The following DLL1 variants were observed in gnomAD, a reference collection of about 807,000 sequenced individuals.
DLL1 encodes delta-like protein 1.
A neutral mutation model predicts 75.1 loss-of-function variants in DLL1; 9 were observed. That is an observed-to-expected ratio of 0.12 (90% CI 0.07 to 0.21). The LOEUF (loss-of-function observed/expected upper bound fraction) is 0.21, where lower values mean the gene tolerates loss of function less well. DLL1 is among the 10% of genes least tolerant of loss of function. The pLI, the probability that DLL1 is intolerant of heterozygous loss-of-function variation, is 1.00. For missense variants in DLL1, 837 were observed against 1,007.6 expected, an observed-to-expected ratio of 0.83 and a Z score of 2.29; for synonymous variants, 477 against 418.3, an observed-to-expected ratio of 1.14 and a Z score of -1.71.
chr6:170,285,191 C>T (rs1006497478), intron 7 of DLL1, 56 bp from the exon 8 acceptor site: 153 of 1,613,728 alleles, frequency 9.5e-5, no homozygotes, highest in East Asian at 8.9e-5. Context: ...GGAGCCCACA[C>T]ACTCCATTCA....
rs1266347888 is a variant in DLL1, at chr6:170,285,287, G to T, written c.999C>A (p.Asp333Glu). The T allele has an allele frequency of 1.9e-6, 3 of 1,614,146 alleles. No individual in the cohort carries two copies. Among genetic ancestry groups the T allele is most frequent in the Non-Finnish European group, 2.5e-6 (3 of 1,180,026 alleles). ...ATCELGIDEC[D>E]PSPCKNGGSC... ...TCCCTCCGTTCTTACAAGGGCTGGGGTCACACTCGTCAATCCCCAGCTCGC... is the reference window on the plus strand; with the variant it reads ...TCCCTCCGTTCTTACAAGGGCTGGGTTCACACTCGTCAATCCCCAGCTCGC... The change falls in exon 7 of 11, where the codon GAC becomes GAA. Residue 333 changes from aspartate to glutamate, a missense_variant. By Grantham distance (45) the Asp-to-Glu change is conservative (BLOSUM62 2). Coordinates refer to ENST00000366756, the MANE Select transcript of DLL1 (RefSeq NM_005618.4).
intron 3 of DLL1, 80 bp downstream of exon 3, chr6:170,288,649 G>T: frequency 6.2e-7 from 1 of 1,609,312 alleles, no homozygotes; most frequent in Admixed American, 1.7e-5. Flanking sequence ...AGCTGTCCGG[G>T]TTTGGCTGGG....
At chr6:170,283,201 C>A (rs764299500) in intron 9 of DLL1, 30 bp downstream of exon 9, 24 of 1,613,148 alleles carry the variant, frequency 1.5e-5, no homozygotes, top group Non-Finnish European at 2.0e-5. Flanking sequence ...CCCAGGTACC[C>A]CCTCCTGATG....
At chr6:170,283,139 G>A (rs1361026499) in intron 9 of DLL1, 34 bp from the exon 10 acceptor site, 1 of 1,613,284 alleles carries the variant, frequency 6.2e-7, no homozygotes, top group African/African-American at 1.3e-5. Flanking sequence ...CACAATGAAT[G>A]CATGAGAACA....
Position 170,282,879 on chromosome 6 carries a change from C to G in DLL1, c.2167G>C (p.Val723Leu), listed in dbSNP as rs1391579119. ...EKDECVIATEV is the reference protein window; with the variant it reads ...EKDECVIATEL ...CTTGCCATCTCACTTCCATTTTACA[C>G]CTGGGGGGCCACAAGACAAATGGGA... Residue 723 changes from valine to leucine, a missense_variant and splice_region_variant, in exon 11 of 11, where the codon GTG becomes CTG. This residue lies in a region of DLL1 where 533 missense variants were observed against 545.7 expected (regional missense o/e 0.98). Transcript: ENST00000366756. 2 of 1,614,060 alleles carry G rather than the reference C, an allele frequency of 1.2e-6. No individual in the cohort carries two copies. Among genetic ancestry groups the G allele is most frequent in the Non-Finnish European group, 1.7e-6 (2 of 1,180,052 alleles).
chr6:170,284,842 C>A (rs1329895294), intron 8 of DLL1, 77 bp downstream of exon 8: 1 of 1,449,596 alleles, frequency 6.9e-7, no homozygotes, highest in Admixed American at 1.7e-5. Flanking sequence ...AGGTCACTCA[C>A]AAATGCTTGT....
Position 170,290,873 on chromosome 6 carries a change from C to G in DLL1, c.-734G>C. 1.5e-6 allele frequency: 1 copy of G among 675,762 alleles called. No homozygotes were observed. Among genetic ancestry groups the G allele is most frequent in the Non-Finnish European group, 2.7e-6 (1 of 371,562 alleles). The allele number at this position is 675,762 out of a possible 1,614,324, so 41.9% of individuals were successfully genotyped here. A position where few individuals can be genotyped will look rare whatever the true frequency, so the allele number is the denominator to read the frequency against. On this transcript the variant is annotated 5_prime_UTR_variant, in exon 1 of 11. Coordinates refer to ENST00000366756, the MANE Select transcript of DLL1 (RefSeq NM_005618.4). The surrounding 1 kb of genome is among the most constrained non-coding windows in gnomAD (Gnocchi z 4.7). ...GCTCTGCGCCGCGGCTGCCCGGGTT[C>G]CCCTGCGCTCTGCCCTCGGCCGGGT... is the stretch of plus-strand genomic sequence containing the variant.
chr6:170,284,578 C>T (rs1783653269), intron 8 of DLL1, among the ~76,000 whole-genome samples: 1 of 152,178 alleles, frequency 6.6e-6, no homozygotes, highest in South Asian at 2.1e-4. Flanking sequence ...GCTGGGTGGC[C>T]ACACAGCTGG....
In DLL1 at chr6:170,290,021, C is replaced by T; in HGVS notation, c.54+65G>A. 6.7e-7 allele frequency: 1 copy of T among 1,495,144 alleles called. No individual in the cohort carries two copies. The highest frequency in any genetic ancestry group is 8.9e-7 in the Non-Finnish European group (1 of 1,129,590). 92.6% of individuals were successfully genotyped at this position (1,495,144 alleles called of 1,614,324 possible). On this transcript the variant is annotated intron_variant, in intron 1 of 10. Transcript: ENST00000366756. This position sits in a 1 kb window ranked among gnomAD's most constrained non-coding sequence, Gnocchi z 4.7. The stretch of plus-strand genomic sequence containing the variant: ...GCTGTCCGCCCCTCCCCGCGCGCTC[C>T]TGCCCCGCGCCCCGGCTACCCGTGA...
At chr6:170,286,821 A>ACACG (rs1783707214) in intron 4 of DLL1, among the ~76,000 whole-genome samples, 1 of 151,790 alleles carries the variant, frequency 6.6e-6, no homozygotes, top group South Asian at 2.1e-4. Flanking sequence ...ACACACACAC[A>ACACG]CACACGCACA....
At chr6:170,288,687 TA>T in intron 3 of DLL1, 41 bp downstream of exon 3, 1 of 1,613,240 alleles carries the variant, frequency 6.2e-7, no homozygotes, top group Non-Finnish European at 8.5e-7. Context: ...CCAATGCTAT[TA>T]ACTGGGGAAA....
Position 170,290,027 on chromosome 6 carries a change from C to T in DLL1, c.54+59G>A, listed in dbSNP as rs1005867221. 3 of 1,513,962 alleles carry T rather than the reference C, an allele frequency of 2.0e-6. No individual in the cohort carries two copies. The highest frequency in any genetic ancestry group is 2.9e-5 in the African/African-American group (2 of 69,670). 93.8% of individuals were successfully genotyped at this position (1,513,962 alleles called of 1,614,324 possible). ...CGCCCCTCCCCGCGCGCTCCTGCCC[C>T]GCGCCCCGGCTACCCGTGAGACCCC... On this transcript the variant is annotated intron_variant, in intron 1 of 10. Coordinates refer to ENST00000366756, the MANE Select transcript of DLL1 (RefSeq NM_005618.4). This position sits in a 1 kb window ranked among gnomAD's most constrained non-coding sequence, Gnocchi z 4.7.
In DLL1 at chr6:170,283,740, A is replaced by G; in HGVS notation, c.1539T>C (p.Gly513=). 6.4e-7 allele frequency: 1 copy of G among 1,555,874 alleles called. No homozygotes were observed. The highest frequency in any genetic ancestry group is 8.7e-7 in the Non-Finnish European group (1 of 1,151,052). The change falls in exon 9 of 11, where the codon GGT becomes GGC. Residue 513 remains glycine, a synonymous_variant. Coordinates refer to ENST00000366756, the MANE Select transcript of DLL1 (RefSeq NM_005618.4). ...YVCECARGYG[G]PNCQFLLPEL... ...CGGGGAGCAGGAACTGGCAGTTGGG[A>G]CCCCCGTAGCCTCGGGCACACTCGC...
chr6:170,290,228 G>A lies in DLL1; in HGVS notation c.-89C>T, dbSNP rs1411618198. 1.3e-6 allele frequency: 2 copies of A among 1,503,814 alleles called. No homozygotes were observed. The highest frequency in any genetic ancestry group is 9.0e-7 in the Non-Finnish European group (1 of 1,112,656). 93.2% of individuals were successfully genotyped at this position (1,503,814 alleles called of 1,614,324 possible). On this transcript the variant is annotated 5_prime_UTR_variant, in exon 1 of 11. Coordinates refer to ENST00000366756, the MANE Select transcript of DLL1 (RefSeq NM_005618.4). The surrounding 1 kb of genome is among the most constrained non-coding windows in gnomAD (Gnocchi z 4.7). ...GCGCGGGGGATCGATGGGCCACGGG[G>A]AGCGTGGGCAGAAAAGCGCCCTTGC...
Position 170,290,640 on chromosome 6 carries a change from G to T in DLL1, c.-501C>A. On this transcript the variant is annotated 5_prime_UTR_variant, in exon 1 of 11. Transcript: ENST00000366756. This position sits in a 1 kb window ranked among gnomAD's most constrained non-coding sequence, Gnocchi z 4.7. ...GGCGATAATCCGGGGCCAGCGGCGC[G>T]CGCTGAGGGGACGGTCGGCGGCGGC... 1 of 270,324 alleles carries T rather than the reference G, an allele frequency of 3.7e-6. No homozygotes were observed. Among genetic ancestry groups the T allele is most frequent in the Non-Finnish European group, 6.9e-6 (1 of 145,246 alleles). 16.7% of individuals were successfully genotyped at this position (270,324 alleles called of 1,614,324 possible). A position where few individuals can be genotyped will look rare whatever the true frequency, so the allele number is the denominator to read the frequency against.
chr6:170,290,167 G>A lies in DLL1; in HGVS notation c.-28C>T. ...TGCTTCGCTCCACGCGCGAGCCTGG[G>A]GGGCCCCCACTTCTCTCCTTAGAAC... is the stretch of plus-strand genomic sequence containing the variant. On this transcript the variant is annotated 5_prime_UTR_variant, in exon 1 of 11. Transcript: ENST00000366756. The surrounding 1 kb of genome is among the most constrained non-coding windows in gnomAD (Gnocchi z 4.7). 1.3e-6 allele frequency: 2 copies of A among 1,588,066 alleles called. No individual in the cohort carries two copies. Among genetic ancestry groups the A allele is most frequent in the East Asian group, 2.3e-5 (1 of 43,816 alleles).
At chr6:170,286,843 C>T (rs975572644) in intron 4 of DLL1, among the ~76,000 whole-genome samples, 6 of 152,326 alleles carry the variant, frequency 3.9e-5, no homozygotes, top group African/African-American at 9.6e-5. Context: ...GCACCCCTTC[C>T]GCCAATGGGA....
At position 170,288,513 on chromosome 6, in the gene DLL1, C is replaced by G; in HGVS notation, c.413-17G>C. 6.2e-7 allele frequency: 1 copy of G among 1,614,044 alleles called. No homozygotes were observed. Among genetic ancestry groups the G allele is most frequent in the Non-Finnish European group, 8.5e-7 (1 of 1,180,036 alleles). On this transcript the variant is annotated splice_polypyrimidine_tract_variant and intron_variant, in intron 3 of 10. Coordinates refer to ENST00000366756, the MANE Select transcript of DLL1 (RefSeq NM_005618.4). ...CTGGGTTTTCTACGGGGAGAAGATG[C>G]TCCTGGTTGGTTCTGAACGAGAACC...
At position 170,285,557 on chromosome 6, in the gene DLL1, G is replaced by C; in HGVS notation, c.862+12C>G. ...TGGAGGGAGCAGGCTGCCTCAGGGA[G>C]AGAAGGCTTACCCTGGTTGCAGAAA... On this transcript the variant is annotated intron_variant, in intron 6 of 10. Coordinates refer to ENST00000366756, the MANE Select transcript of DLL1 (RefSeq NM_005618.4). The C allele has an allele frequency of 6.2e-7, 1 of 1,614,188 alleles. No homozygotes were observed. Among genetic ancestry groups the C allele is most frequent in the Non-Finnish European group, 8.5e-7 (1 of 1,180,028 alleles).
Sources: gnomAD v4.1 joint callset for allele counts (sites outside exome capture counted in the v4.1 genomes callset) on GRCh38, gnomAD v4.1.1 for gene constraint, gnomAD v4.1.1 regional missense constraint, Gnocchi (gnomAD v3.1) non-coding constraint, MANE v1.5 for transcripts, NCBI Gene and HGNC (gene_info 2026-07-23, HGNC 2026-07-21) for gene names.